ZNF382: variants seen among roughly 807,000 people sequenced by gnomAD.
ZNF382 encodes KRAB/zinc finger suppressor protein 1.
ZNF382 carries 20 observed loss-of-function variants against 38.8 expected under a neutral mutation model. The ratio of observed to expected loss-of-function variants is 0.51; its 90% CI spans 0.36 to 0.75. ZNF382 has a LOEUF of 0.75. Among genes scored for constraint, ZNF382 ranks in the 30% least tolerant of loss-of-function variants. The pLI, the probability that ZNF382 is intolerant of heterozygous loss-of-function variation, is 0.00. For synonymous variants in ZNF382, 202 were observed against 223.1 expected (o/e 0.91, Z 0.84); for missense variants, 546 against 654.1 (o/e 0.83, Z 1.80).
chr19:36,626,970 GGAA>G lies in ZNF382; in HGVS notation c.1075_1077del (p.Lys359del). 2 of 1,614,190 alleles carry G rather than the reference GGAA, an allele frequency of 1.2e-6. No homozygotes were observed. Among genetic ancestry groups the G allele is most frequent in the Non-Finnish European group, 1.7e-6 (2 of 1,180,028 alleles). On this transcript the variant is annotated inframe_deletion, in exon 5 of 5. Coordinates refer to ENST00000292928, the MANE Select transcript of ZNF382 (RefSeq NM_032825.5). The stretch of plus-strand genomic sequence containing the variant: ...AAACCCTTTATTTGTATCGATTGTG[GGAA>G]GTCCTTCCGCCAGAAGGCCACCCTC...
chr19:36,612,146 C>T (rs1332590196), intron 4 of ZNF382, among the ~76,000 whole-genome samples: 2 of 152,236 alleles, frequency 1.3e-5, no homozygotes, highest in African/African-American at 2.4e-5. Flanking sequence ...CAGGCCTCTT[C>T]CAACTCAGTC....
Position 36,610,681 on chromosome 19 carries a change from C to T in ZNF382, c.171C>T (p.Arg57=). The change falls in exon 4 of 5, where the codon CGC becomes CGT. Residue 57 remains arginine (R), a synonymous_variant. Coordinates refer to ENST00000292928, the MANE Select transcript of ZNF382 (RefSeq NM_032825.5). The part of the protein sequence containing the change: ...GFHMAKPDMI[R]KLEQGEELWT... ...ACATGGCTAAGCCTGATATGATCCG[C>T]AAGTTGGAACAAGGAGAAGAGCTAT... 6.2e-7 allele frequency: 1 copy of T among 1,613,302 alleles called. No individual in the cohort carries two copies. Among genetic ancestry groups the T allele is most frequent in the Non-Finnish European group, 8.5e-7 (1 of 1,179,546 alleles).
chr19:36,618,688 G>T (rs1383231128), intron 4 of ZNF382, among the ~76,000 whole-genome samples: 7 of 150,060 alleles, frequency 4.7e-5, no homozygotes, highest in Non-Finnish European at 7.4e-5. Context: ...AAATAAGTGG[G>T]TTTTTTTTTT....
intron 4 of ZNF382, among the ~76,000 whole-genome samples, chr19:36,619,752 A>G (rs1364158733): frequency 6.7e-6 from 1 of 149,510 alleles, no homozygotes; most frequent in East Asian, 2.0e-4. Flanking sequence ...TCTTTTTGAG[A>G]TGGAGTATTG....
chr19:36,622,065 A>C (rs947467481), intron 4 of ZNF382, among the ~76,000 whole-genome samples: 1 of 149,860 alleles, frequency 6.7e-6, no homozygotes, highest in Non-Finnish European at 1.5e-5. Context: ...TCTGTCACTC[A>C]GGCTAGGGTG....
At position 36,633,755 on chromosome 19, in the gene ZNF382, A is replaced by G. The variant is rs578142154; in HGVS notation, c.*6205A>G. On this transcript the variant is annotated 3_prime_UTR_variant, in exon 5 of 5. Transcript: ENST00000292928. Reference sequence around the variant, plus strand: ...GGAATTCTACTCAACGATAACAATAATGAGCTACTGAAACATGCAGCTACA... The same window carrying G: ...GGAATTCTACTCAACGATAACAATAGTGAGCTACTGAAACATGCAGCTACA... 1 of 152,356 alleles carries G rather than the reference A, an allele frequency of 6.6e-6. No homozygotes were observed. The highest frequency in any genetic ancestry group is 2.1e-4 in the South Asian group (1 of 4,832). The allele number at this position is 152,356 out of a possible 1,614,324, so 9.4% of individuals were successfully genotyped here. A position where few individuals can be genotyped will look rare whatever the true frequency, so the allele number is the denominator to read the frequency against.
chr19:36,614,996 T>C (rs1317243854), intron 4 of ZNF382, among the ~76,000 whole-genome samples: 1 of 145,792 alleles, frequency 6.9e-6, no homozygotes, highest in Non-Finnish European at 1.5e-5. Context: ...CTTTTTTTTT[T>C]TTTTTTGACA....
At chr19:36,617,534 C>A (rs1019494733) in intron 4 of ZNF382, among the ~76,000 whole-genome samples, 1 of 152,112 alleles carries the variant, frequency 6.6e-6, no homozygotes, top group African/African-American at 2.4e-5. Context: ...CAATCTGTTC[C>A]TATCCAAGCT....
In ZNF382 at chr19:36,633,752, A is replaced by G. The variant is rs2037268987; in HGVS notation, c.*6202A>G. Reference sequence around the variant, plus strand: ...GATGGAATTCTACTCAACGATAACAATAATGAGCTACTGAAACATGCAGCT... The same window carrying G: ...GATGGAATTCTACTCAACGATAACAGTAATGAGCTACTGAAACATGCAGCT... On this transcript the variant is annotated 3_prime_UTR_variant, in exon 5 of 5. Transcript: ENST00000292928. 1.3e-5 allele frequency: 2 copies of G among 152,242 alleles called. No individual in the cohort carries two copies. The highest frequency in any genetic ancestry group is 2.9e-5 in the Non-Finnish European group (2 of 68,050). 9.4% of individuals were successfully genotyped at this position (152,242 alleles called of 1,614,324 possible). A position where few individuals can be genotyped will look rare whatever the true frequency, so the allele number is the denominator to read the frequency against.
intron 4 of ZNF382, among the ~76,000 whole-genome samples, chr19:36,623,565 G>A (rs2037186295): frequency 6.6e-6 from 1 of 152,044 alleles, no homozygotes. Flanking sequence ...CAGGGCAGGT[G>A]GATCACTTGA....
Position 36,632,469 on chromosome 19 carries a change from A to G in ZNF382, c.*4919A>G. 1 of 152,490 alleles carries G rather than the reference A, an allele frequency of 6.6e-6. No individual in the cohort carries two copies. The highest frequency in any genetic ancestry group is 1.5e-5 in the Non-Finnish European group (1 of 68,156). 9.4% of individuals were successfully genotyped at this position (152,490 alleles called of 1,614,324 possible). On this transcript the variant is annotated 3_prime_UTR_variant, in exon 5 of 5. Coordinates refer to ENST00000292928, the MANE Select transcript of ZNF382 (RefSeq NM_032825.5). ...CGGTTTCCCAAAGTGCTGGGATTAT[A>G]GGCATGAGCCACCGTGCCCAGCCAC...
chr19:36,625,650 C>T (rs966883456), intron 4 of ZNF382, among the ~76,000 whole-genome samples: 54 of 151,998 alleles, frequency 3.6e-4, no homozygotes, highest in African/African-American at 1.3e-3. Context: ...ACCTCTGCCT[C>T]CCAGGTTCAA....
At chr19:36,623,793 C>A (rs1352962917) in intron 4 of ZNF382, among the ~76,000 whole-genome samples, 86 of 131,930 alleles carry the variant, frequency 6.5e-4, no homozygotes, top group South Asian at 1.0e-3. Flanking sequence ...GACTCTGTCT[C>A]AAAAAAAAAA....
intron 4 of ZNF382, among the ~76,000 whole-genome samples, chr19:36,614,907 T>TCCTTTCCTTTCCTTC (rs2037109402): frequency 1.8e-5 from 1 of 56,480 alleles, no homozygotes; most frequent in Non-Finnish European, 3.7e-5. Context: ...TCCTTTCCTT[T>TCCTTTCCTTTCCTTC]CCTTTCCTTC....
chr19:36,624,912 T>A (rs2037197750), intron 4 of ZNF382, among the ~76,000 whole-genome samples: 1 of 147,116 alleles, frequency 6.8e-6, no homozygotes, highest in Admixed American at 6.8e-5. Context: ...AAAAAAAAAA[T>A]CAAAAATTAG....
At chr19:36,621,324 G>GTTTTTTTTTTTTTTTTTTTTTT (rs10557413) in intron 4 of ZNF382, among the ~76,000 whole-genome samples, 2 of 104,468 alleles carry the variant, frequency 1.9e-5, no homozygotes, top group Non-Finnish European at 3.8e-5. Flanking sequence ...TTTTTCCCTA[G>GTTTTTTTTTTTTTTTTTTTTTT]TTTTTTTTTT....
chr19:36,610,453 CAAAAA>C (rs549626213), intron 3 of ZNF382, 192 bp from the exon 4 acceptor site: 9 of 306,372 alleles, frequency 2.9e-5, no homozygotes, highest in Non-Finnish European at 5.1e-5. Flanking sequence ...GAGACTGTCT[CAAAAA>C]AAAAAAAGAA....
At chr19:36,607,017 C>T (rs1476107340) in intron 1 of ZNF382, among the ~76,000 whole-genome samples, 2 of 146,532 alleles carry the variant, frequency 1.4e-5, no homozygotes, top group African/African-American at 5.1e-5. Flanking sequence ...GTGGAGGTTG[C>T]GGTCAGTCAA....
At position 36,627,593 on chromosome 19, in the gene ZNF382, A is replaced by G. The variant is rs899868420; in HGVS notation, c.*43A>G. On this transcript the variant is annotated 3_prime_UTR_variant, in exon 5 of 5. Transcript: ENST00000292928. ...GTAAAAAAATGTTAAGTCATAGTAA[A>G]CCCTGTAGATGATGTTGCTTGCAAG... is the stretch of plus-strand genomic sequence containing the variant. 1.8e-5 allele frequency: 26 copies of G among 1,438,838 alleles called. No homozygotes were observed. Among genetic ancestry groups the G allele is most frequent in the Non-Finnish European group, 2.4e-5 (25 of 1,034,266 alleles). 89.1% of individuals were successfully genotyped at this position (1,438,838 alleles called of 1,614,324 possible). A position where few individuals can be genotyped will look rare whatever the true frequency, so the allele number is the denominator to read the frequency against.
Sources: gnomAD v4.1 joint callset for allele counts (sites outside exome capture counted in the v4.1 genomes callset) on GRCh38, gnomAD v4.1.1 for gene constraint, MANE v1.5 for transcripts, NCBI Gene and HGNC (gene_info 2026-07-23, HGNC 2026-07-21) for gene names.